NADSYN1: variants seen among roughly 807,000 people sequenced by gnomAD.
NADSYN1 encodes glutamine-dependent NAD(+) synthetase.
NADSYN1 carries 80 observed loss-of-function variants against 99.3 expected under a neutral mutation model. The ratio of observed to expected loss-of-function variants is 0.81; its 90% confidence interval spans 0.67 to 0.97. The LOEUF (loss-of-function observed/expected upper bound fraction) is 0.97. Ranked by LOEUF, NADSYN1 falls within the 50% of genes least tolerant of loss-of-function variation. The pLI, the probability that NADSYN1 is intolerant of heterozygous loss-of-function variation, is 0.00. For missense variants in NADSYN1, 859 were observed against 948.5 expected (o/e 0.91, Z 1.24); for synonymous variants, 385 against 372.1 (o/e 1.03, Z -0.40).
chr11:71,481,483 ATTTTTT>A, intron 12 of NADSYN1, 79 bp downstream of exon 12: 6 of 1,077,990 alleles, frequency 5.6e-6, no homozygotes, highest in Non-Finnish European at 6.6e-6. Context: ...CAGGGTAGGG[ATTTTTT>A]TTTTTTTTTT....
chr11:71,482,913 C>T lies in NADSYN1; in HGVS notation c.1215C>T (p.Pro405=). ...AGATCAGCTACACCCCCCAGGATCC[C>T]CGAGACCTCTGTGGACGCATACTGA... ...VNQISYTPQD[P]RDLCGRILTT... is the part of the protein sequence containing the mutation. Residue 405 remains proline, a synonymous_variant, in exon 14 of 21, where the codon CCC becomes CCT. Coordinates refer to ENST00000319023, the MANE Select transcript of NADSYN1 (RefSeq NM_018161.5). 3 of 1,613,288 alleles carry T rather than the reference C, an allele frequency of 1.9e-6. No homozygotes were observed. Among genetic ancestry groups the T allele is most frequent in the East Asian group, 4.5e-5 (2 of 44,874 alleles).
intron 6 of NADSYN1, 97 bp downstream of exon 6, chr11:71,472,597 A>G: frequency 8.7e-7 from 1 of 1,151,288 alleles, no homozygotes; most frequent in Non-Finnish European, 1.3e-6. Context: ...GGATCCAGGT[A>G]ATGGAAGGCA....
rs372229271 is a variant in NADSYN1 at position 71,453,286 on chromosome 11, C to T, written c.-11C>T. Reference sequence around the variant, plus strand: ...CCCCGCTGGCCTCCTGCCCAAGCGACTGCGGCCAGGATGGGCCGGAAGGTG... The same window carrying T: ...CCCCGCTGGCCTCCTGCCCAAGCGATTGCGGCCAGGATGGGCCGGAAGGTG... On this transcript the variant is annotated 5_prime_UTR_variant, in exon 1 of 21. Coordinates refer to ENST00000319023, the MANE Select transcript of NADSYN1 (RefSeq NM_018161.5). The T allele has an allele frequency of 8.1e-6, 13 of 1,612,628 alleles. No individual in the cohort carries two copies. Among genetic ancestry groups the T allele is most frequent in the South Asian group, 1.1e-5 (1 of 90,964 alleles).
chr11:71,470,493 C>T (rs1197341881), intron 5 of NADSYN1, among the ~76,000 whole-genome samples: 1 of 152,204 alleles, frequency 6.6e-6, no homozygotes, highest in Non-Finnish European at 1.5e-5. Context: ...TTTTAATATC[C>T]TTTAATTACA....
intron 15 of NADSYN1, 48 bp from the exon 16 acceptor site, chr11:71,485,494 G>A (rs113617286): frequency 9.8e-6 from 14 of 1,425,150 alleles, no homozygotes; most frequent in Admixed American, 6.8e-5. Context: ...CGTCTCCCCC[G>A]TGTTCCTTTG....
rs112160838 is a variant in NADSYN1, at chr11:71,498,571, G to A, written c.2070+43G>A. ...GTTTCTCTCTCCATGTTTCATGTCT[G>A]TAGAAGAAACGTGAGGTTATTTCCA... On this transcript the variant is annotated intron_variant, in intron 20 of 20. Coordinates refer to ENST00000319023, the MANE Select transcript of NADSYN1 (RefSeq NM_018161.5). 110 of 1,596,488 alleles carry A rather than the reference G, an allele frequency of 6.9e-5. No individual in the cohort carries two copies. In the African/African-American group the frequency reaches 1.1e-3, roughly 16 times the overall value.
Position 71,484,729 on chromosome 11 carries a change from G to A in NADSYN1, c.1455+282G>A, listed in dbSNP as rs1026317755. On this transcript the variant is annotated intron_variant, in intron 15 of 20. Coordinates refer to ENST00000319023, the MANE Select transcript of NADSYN1 (RefSeq NM_018161.5). ...GGGGTGTAAGGATGTGCGTGCTCGA[G>A]TGTGTGCATGAGCCTGAGTGCAAGA... 6.3e-5 allele frequency: 26 copies of A among 414,946 alleles called. No homozygotes were observed. In the Admixed American group the frequency reaches 6.9e-4, roughly 11 times the overall value. The allele number at this position is 414,946 out of a possible 1,614,324, so 25.7% of individuals were successfully genotyped here.
rs1348734137 is a variant in NADSYN1, at chr11:71,481,198, G to A, written c.999-158G>A. On this transcript the variant is annotated intron_variant, in intron 11 of 20. Coordinates refer to ENST00000319023, the MANE Select transcript of NADSYN1 (RefSeq NM_018161.5). ...CCTGGGTCTGTCTTCAGAATCACAT[G>A]TGTCCCTTCTCACGAGGTGCCTAAA... The A allele has an allele frequency of 2.0e-5, 15 of 752,668 alleles. 1 individual carries two copies. In the East Asian group the frequency reaches 3.4e-4, roughly 17 times the overall value. The allele number at this position is 752,668 out of a possible 1,614,324, so 46.6% of individuals were successfully genotyped here. A position where few individuals can be genotyped will look rare whatever the true frequency, so the allele number is the denominator to read the frequency against.
intron 2 of NADSYN1, among the ~76,000 whole-genome samples, chr11:71,457,665 A>G (rs1285523526): frequency 4.6e-5 from 7 of 152,112 alleles, no homozygotes; most frequent in Non-Finnish European, 7.4e-5. Flanking sequence ...GCTCCCTCCG[A>G]AGGCTCTTGG....
At chr11:71,472,196 T>TGG (rs949390219) in intron 5 of NADSYN1, among the ~76,000 whole-genome samples, 8 of 152,204 alleles carry the variant, frequency 5.3e-5, no homozygotes, top group African/African-American at 1.9e-4. Context: ...CATGAGCGTG[T>TGG]GGGGAAACTG....
intron 16 of NADSYN1, among the ~76,000 whole-genome samples, chr11:71,486,400 C>T (rs1490613815): frequency 6.6e-6 from 1 of 152,144 alleles, no homozygotes; most frequent in East Asian, 1.9e-4. Flanking sequence ...TCCGTTCATC[C>T]ACCCATCTGT....
chr11:71,468,825 A>G (rs1949609757), intron 5 of NADSYN1, among the ~76,000 whole-genome samples: 1 of 152,266 alleles, frequency 6.6e-6, no homozygotes, highest in South Asian at 2.1e-4. Flanking sequence ...GGTTCATTTC[A>G]TTTACCAGCA....
intron 18 of NADSYN1, among the ~76,000 whole-genome samples, chr11:71,494,628 G>A (rs1308940096): frequency 6.6e-6 from 1 of 152,136 alleles, no homozygotes; most frequent in Non-Finnish European, 1.5e-5. Flanking sequence ...TCGGCTCACT[G>A]AAACCTCCGC....
At chr11:71,481,481 G>A in intron 12 of NADSYN1, 77 bp downstream of exon 12, 3 of 1,402,162 alleles carry the variant, frequency 2.1e-6, no homozygotes, top group South Asian at 1.2e-5. Context: ...GGCAGGGTAG[G>A]GATTTTTTTT....
At chr11:71,484,218 G>A (rs929495133) in intron 14 of NADSYN1, 94 bp from the exon 15 acceptor site, 14 of 1,521,564 alleles carry the variant, frequency 9.2e-6, no homozygotes, top group Non-Finnish European at 1.2e-5. Context: ...GGTTACAATG[G>A]TCAGTTTTAG....
intron 6 of NADSYN1, 96 bp from the exon 7 acceptor site, chr11:71,473,182 C>A: frequency 1.7e-6 from 2 of 1,192,102 alleles, no homozygotes; most frequent in Non-Finnish European, 1.2e-6. Flanking sequence ...CCAACTCCAG[C>A]TCTTGTGGCT....
intron 9 of NADSYN1, chr11:71,477,019 C>T: frequency 9.4e-7 from 1 of 1,064,786 alleles, no homozygotes; most frequent in Middle Eastern, 4.6e-4. Flanking sequence ...CGGGCCACTG[C>T]CCTCCACCAG....
chr11:71,496,049 CT>C (rs964776515), intron 18 of NADSYN1, among the ~76,000 whole-genome samples: 1 of 152,230 alleles, frequency 6.6e-6, no homozygotes, highest in Non-Finnish European at 1.5e-5. Context: ...CCTCGGCCCT[CT>C]TCTTCTCTGA....
At chr11:71,475,708 C>G (rs1949660754) in intron 9 of NADSYN1, 2 of 258,840 alleles carry the variant, frequency 7.7e-6, no homozygotes, top group Admixed American at 5.1e-5. Flanking sequence ...GGGCCACTCT[C>G]CCTTTCGGTT....
Sources: allele counts gnomAD v4.1 joint callset (sites outside exome capture counted in the v4.1 genomes callset), GRCh38; gene constraint gnomAD v4.1.1; transcripts MANE v1.5; gene names NCBI Gene and HGNC (gene_info 2026-07-23, HGNC 2026-07-21).